Variants in TOPAZ1 observed in about 807,000 individuals in gnomAD.
The protein encoded by TOPAZ1 is testis and ovary specific TOPAZ 1.
Under a neutral mutation model 172.2 loss-of-function variants are expected in TOPAZ1, and 66 were observed. The ratio of observed to expected loss-of-function variants is 0.38; its 90% CI spans 0.31 to 0.47. TOPAZ1 has a LOEUF of 0.47. Ranked by LOEUF, TOPAZ1 falls within the 20% of genes least tolerant of loss-of-function variation. TOPAZ1 has a pLI of 0.99. For missense variants in TOPAZ1, 1,822 were observed against 1,972.4 expected (o/e 0.92, Z 1.44); for synonymous variants, 681 against 683.9 (o/e 1.00, Z 0.07).
chr3:44,322,930 GA>G (rs1365521615), intron 17 of TOPAZ1, among the ~76,000 whole-genome samples, 161 bp from the exon 18 acceptor site: 1 of 151,880 alleles, frequency 6.6e-6, no homozygotes, highest in African/African-American at 2.4e-5. Flanking sequence ...AAAAGGAGAA[GA>G]AAAATAAAGA....
At chr3:44,302,551 C>A (rs1453704190) in intron 12 of TOPAZ1, among the ~76,000 whole-genome samples, 2 of 152,114 alleles carry the variant, frequency 1.3e-5, no homozygotes, top group Non-Finnish European at 2.9e-5. Flanking sequence ...TTTGCCTATT[C>A]CTGCACTGGA....
intron 8 of TOPAZ1, among the ~76,000 whole-genome samples, chr3:44,276,298 T>C (rs1480950507): frequency 6.6e-6 from 1 of 152,156 alleles, no homozygotes; most frequent in Non-Finnish European, 1.5e-5. Context: ...CCCTATGTTT[T>C]CTCCTATGGT....
At chr3:44,275,172 C>A (rs1220222444) in intron 8 of TOPAZ1, among the ~76,000 whole-genome samples, 1 of 151,924 alleles carries the variant, frequency 6.6e-6, no homozygotes, top group East Asian at 1.9e-4. Context: ...TTTGGTGTAT[C>A]CATCACCTTG....
chr3:44,255,675 A>G (rs1699693089), intron 3 of TOPAZ1, among the ~76,000 whole-genome samples: 1 of 26,388 alleles, frequency 3.8e-5, no homozygotes, highest in Non-Finnish European at 7.0e-5. Context: ...ATATATACAC[A>G]CACACACACA....
chr3:44,326,838 T>C (rs1700606088), intron 18 of TOPAZ1, among the ~76,000 whole-genome samples: 1 of 152,246 alleles, frequency 6.6e-6, no homozygotes, highest in South Asian at 2.1e-4. Context: ...AGTATTTTTC[T>C]TCTCACGTTT....
intron 4 of TOPAZ1, among the ~76,000 whole-genome samples, chr3:44,257,355 GTGTGTGTGTGTGTGTGT>G (rs1699720201): frequency 6.4e-4 from 19 of 29,606 alleles, no homozygotes; most frequent in East Asian, 5.3e-3. Context: ...ACATAGGGGT[GTGTGTGTGTGTGTGTGT>G]GTGTGTGTGT....
Position 44,242,001 on chromosome 3 carries a change from T to C in TOPAZ1, c.-53T>C. The C allele has an allele frequency of 6.7e-7, 1 of 1,493,544 alleles. No homozygotes were observed. The highest frequency in any genetic ancestry group is 9.0e-7 in the Non-Finnish European group (1 of 1,112,728). The allele number at this position is 1,493,544 out of a possible 1,614,324, so 92.5% of individuals were successfully genotyped here. A position where few individuals can be genotyped will look rare whatever the true frequency, so the allele number is the denominator to read the frequency against. On this transcript the variant is annotated 5_prime_UTR_variant, in exon 1 of 20. Transcript: ENST00000309765. ...GGCGGGAGCAGCGTTTGCACCGCGG[T>C]GGGTTCCTGCGAGCTGGTGCAGAGG...
In TOPAZ1 at chr3:44,244,806, A is replaced by G. The variant is rs933734674; in HGVS notation, c.2300A>G (p.Tyr767Cys). Residue 767 changes from tyrosine (Y) to cysteine (C), a missense_variant, in exon 2 of 20, where the codon TAT (tyrosine) becomes TGT (cysteine). Physicochemically the swap from Tyr to Cys is radical, Grantham distance 194. This residue lies in a region of TOPAZ1 where 1,489 missense variants were observed against 1,490.8 expected (regional missense o/e 1.00). Coordinates refer to ENST00000309765, the MANE Select transcript of TOPAZ1 (RefSeq NM_001145030.2). Reference protein sequence around the residue: ...SSDSFYNKKSYSISPSFTKQG... With the variant: ...SSDSFYNKKSCSISPSFTKQG... ...GACTCATTCTACAATAAGAAATCCT[A>G]TAGTATTTCTCCAAGCTTTACAAAG... The G allele has an allele frequency of 8.4e-6, 13 of 1,551,518 alleles. No individual in the cohort carries two copies. Among genetic ancestry groups the G allele is most frequent in the African/African-American group, 4.1e-5 (3 of 73,056 alleles).
intron 2 of TOPAZ1, among the ~76,000 whole-genome samples, chr3:44,252,284 G>A (rs578261659): frequency 3.3e-5 from 5 of 152,144 alleles, no homozygotes; most frequent in Middle Eastern, 3.4e-3. Flanking sequence ...ATCTCTCATG[G>A]CTGTTCCTTC....
chr3:44,256,931 A>G (rs956244880), intron 4 of TOPAZ1, among the ~76,000 whole-genome samples: 13 of 152,164 alleles, frequency 8.5e-5, no homozygotes, highest in African/African-American at 3.1e-4. Context: ...GGCTGGCTGT[A>G]AATTTTTAGA....
intron 3 of TOPAZ1, among the ~76,000 whole-genome samples, chr3:44,255,670 TACACAC>T (rs71085609): frequency 0.019 from 894 of 46,282 alleles, 19 homozygotes; most frequent in East Asian, 0.085. Flanking sequence ...AAAATATATA[TACACAC>T]ACACACACAC....
intron 3 of TOPAZ1, 80 bp downstream of exon 3, chr3:44,255,109 A>C (rs1342359200): frequency 9.8e-7 from 1 of 1,017,924 alleles, no homozygotes; most frequent in Non-Finnish European, 1.5e-6. Flanking sequence ...AGATGAATTC[A>C]CTAGAACAAG....
intron 8 of TOPAZ1, among the ~76,000 whole-genome samples, chr3:44,276,097 TATTA>T (rs1194523408): frequency 1.5e-4 from 23 of 152,320 alleles, no homozygotes; most frequent in Non-Finnish European, 2.9e-4. Context: ...ATATTCTGGA[TATTA>T]GTCCTTTGTC....
intron 18 of TOPAZ1, among the ~76,000 whole-genome samples, chr3:44,325,744 A>G (rs1299119629): frequency 1.3e-5 from 2 of 151,994 alleles, no homozygotes; most frequent in Non-Finnish European, 2.9e-5. Flanking sequence ...CCCAGGTTCA[A>G]GTGATTCTCC....
chr3:44,316,947 A>G (rs1021489795), intron 16 of TOPAZ1, among the ~76,000 whole-genome samples: 3 of 152,018 alleles, frequency 2.0e-5, no homozygotes, highest in African/African-American at 7.3e-5. Flanking sequence ...TTTATTTAAT[A>G]TAATCTTAGA....
chr3:44,330,324 T>C (rs1168795082), intron 19 of TOPAZ1, among the ~76,000 whole-genome samples: 1 of 152,170 alleles, frequency 6.6e-6, no homozygotes, highest in Non-Finnish European at 1.5e-5. Flanking sequence ...TGTTTACTTA[T>C]TGAATTTGGA....
At position 44,310,102 on chromosome 3, in the gene TOPAZ1, C is replaced by A. The variant is rs1175539964; in HGVS notation, c.4306+112C>A. The A allele has an allele frequency of 1.2e-5, 11 of 943,110 alleles. No homozygotes were observed. The East Asian group carries it at 2.7e-4, about 23-fold the overall frequency. 58.4% of individuals were successfully genotyped at this position (943,110 alleles called of 1,614,324 possible). ...ACTGTGGTTAATAGTTTGGTCTAAACCCTAGTGAACATGTGGGTAGGAAAG... is the reference window on the plus strand; with the variant it reads ...ACTGTGGTTAATAGTTTGGTCTAAAACCTAGTGAACATGTGGGTAGGAAAG... On this transcript the variant is annotated intron_variant, in intron 16 of 19. Transcript: ENST00000309765.
intron 3 of TOPAZ1, 122 bp from the exon 4 acceptor site, chr3:44,256,029 A>G (rs1201536557): frequency 3.4e-6 from 2 of 581,956 alleles, no homozygotes; most frequent in Non-Finnish European, 5.6e-6. Context: ...ACTCTGCTTC[A>G]TATTTGTCAC....
rs145719527 is a variant in TOPAZ1, at chr3:44,242,456, C to G, written c.346+57C>G. The G allele has an allele frequency of 7.1e-5, 107 of 1,506,464 alleles. No individual in the cohort carries two copies. The African/African-American group carries it at 1.1e-3, about 16-fold the overall frequency. The allele number at this position is 1,506,464 out of a possible 1,614,324, so 93.3% of individuals were successfully genotyped here. On this transcript the variant is annotated intron_variant, in intron 1 of 19. Coordinates refer to ENST00000309765, the MANE Select transcript of TOPAZ1 (RefSeq NM_001145030.2). ...GCCCTTGTACCTCAGCGTGCTCCAT[C>G]TTTGTTTTACCACTAGTCTTTAACT...
Sources: allele counts gnomAD v4.1 joint callset (sites outside exome capture counted in the v4.1 genomes callset), GRCh38; gene constraint gnomAD v4.1.1; regional missense constraint gnomAD v4.1.1; transcripts MANE v1.5; gene names NCBI Gene and HGNC (gene_info 2026-07-23, HGNC 2026-07-21).